Variants in FAM83B observed in about 807,000 individuals in gnomAD.
FAM83B encodes the protein protein FAM83B.
FAM83B carries 26 observed loss-of-function variants against 38.8 expected under a neutral mutation model. That is an observed-to-expected ratio of 0.67 (90% CI 0.49 to 0.93). The LOEUF (loss-of-function observed/expected upper bound fraction) is 0.93. FAM83B is among the 40% of genes least tolerant of loss of function. The pLI is 0.00. For missense variants in FAM83B, 1,237 were observed against 1,197.3 expected, an observed-to-expected ratio of 1.03 and a Z score of -0.49; for synonymous variants, 419 against 423.1, an observed-to-expected ratio of 0.99 and a Z score of 0.12.
intron 2 of FAM83B, among the ~76,000 whole-genome samples, chr6:54,880,376 T>G (rs2127577644): frequency 6.6e-6 from 1 of 151,552 alleles, no homozygotes; most frequent in Admixed American, 6.6e-5. Context: ...ACAGATAAAA[T>G]ACCTCCAAAA....
rs1196394459 is a variant in FAM83B at position 54,870,204 on chromosome 6, A to C, written c.-43A>C. The stretch of plus-strand genomic sequence containing the variant: ...AATACCAGATACTTCTCACCACTGC[A>C]TGAATGGACATTTGAAAGTGCCATA... On this transcript the variant is annotated 5_prime_UTR_variant, in exon 2 of 5. An upstream start codon of the reference 5' UTR is lost. Transcript: ENST00000306858. The C allele has an allele frequency of 1.4e-6, 2 of 1,480,946 alleles. No homozygotes were observed. The highest frequency in any genetic ancestry group is 3.5e-5 in the Admixed American group (2 of 57,408). 91.7% of individuals were successfully genotyped at this position (1,480,946 alleles called of 1,614,324 possible). A position where few individuals can be genotyped will look rare whatever the true frequency, so the allele number is the denominator to read the frequency against.
At chr6:54,921,376 C>A (rs2127587196) in intron 2 of FAM83B, among the ~76,000 whole-genome samples, 1 of 151,304 alleles carries the variant, frequency 6.6e-6, no homozygotes, top group South Asian at 2.1e-4. Context: ...GGGTCTGGGT[C>A]ACTTTGGGAA....
chr6:54,909,679 A>G (rs1013258549), intron 2 of FAM83B, among the ~76,000 whole-genome samples: 2 of 152,218 alleles, frequency 1.3e-5, no homozygotes, highest in Non-Finnish European at 2.9e-5. Flanking sequence ...ACCCTCAAGT[A>G]ACTTATTGCC....
At position 54,862,864 on chromosome 6, in the gene FAM83B, CAA is replaced by C. The variant is rs150788418; in HGVS notation, c.-60-7319_-60-7318del. Among the ~76,000 whole-genome samples, 4 of 148,254 alleles carry C rather than the reference CAA, an allele frequency of 2.7e-5. No homozygotes were observed. The East Asian group carries it at 6.1e-4, about 22-fold the overall frequency. On this transcript the variant is annotated intron_variant, in intron 1 of 4. Coordinates refer to ENST00000306858, the MANE Select transcript of FAM83B (RefSeq NM_001010872.3). ...GCGCCATTGCACTCCAGGCTGGGTGCAAAAACCCCCCCCCAAAAAAACCACGA... is the reference window on the plus strand; with the variant it reads ...GCGCCATTGCACTCCAGGCTGGGTGCAAACCCCCCCCCAAAAAAACCACGA...
At chr6:54,931,748 C>A (rs1773423377) in intron 4 of FAM83B, among the ~76,000 whole-genome samples, 1 of 151,796 alleles carries the variant, frequency 6.6e-6, no homozygotes, top group African/African-American at 2.4e-5. Flanking sequence ...TTTTTTTAAT[C>A]CATTCAGTCA....
intron 2 of FAM83B, among the ~76,000 whole-genome samples, chr6:54,875,181 A>ATTCCT (rs1771961530): frequency 6.6e-6 from 1 of 152,190 alleles, no homozygotes; most frequent in African/African-American, 2.4e-5. Context: ...TTCCTATCCA[A>ATTCCT]ATCTCTAATA....
At chr6:54,912,845 C>T (rs1024676398) in intron 2 of FAM83B, among the ~76,000 whole-genome samples, 1 of 151,596 alleles carries the variant, frequency 6.6e-6, no homozygotes, top group Non-Finnish European at 1.5e-5. Context: ...GTGAAAATAT[C>T]CAAGAGAAGA....
At chr6:54,938,105 G>A (rs1261916902) in intron 4 of FAM83B, among the ~76,000 whole-genome samples, 1 of 152,006 alleles carries the variant, frequency 6.6e-6, no homozygotes, top group African/African-American at 2.4e-5. Flanking sequence ...TCACTGATAA[G>A]TGAGAATATA....
At chr6:54,851,839 G>C (rs186842139) in intron 1 of FAM83B, among the ~76,000 whole-genome samples, 1 of 151,434 alleles carries the variant, frequency 6.6e-6, no homozygotes, top group Non-Finnish European at 1.5e-5. Flanking sequence ...AGTAGAGACG[G>C]GGTTTCACCG....
In FAM83B at chr6:54,926,463, G is replaced by T; in HGVS notation, c.537G>T (p.Leu179=). 6.2e-7 allele frequency: 1 copy of T among 1,610,724 alleles called. No individual in the cohort carries two copies. Among genetic ancestry groups the T allele is most frequent in the Non-Finnish European group, 8.5e-7 (1 of 1,177,818 alleles). Residue 179 remains leucine (L), a synonymous_variant, in exon 3 of 5, where the codon CTG becomes CTT. Transcript: ENST00000306858. ...CTCGAGGAGTATCTGTTTACATTCT[G>T]CTTGATGAGTCCAATTTTAATCATT... ...ASTRGVSVYI[L]LDESNFNHFL...
rs199932064 is a variant in FAM83B, at chr6:54,915,249, A to G, written c.445-11122A>G. Among the ~76,000 whole-genome samples the G allele has an allele frequency of 7.2e-5, 11 of 152,258 alleles. No homozygotes were observed. The East Asian group carries it at 1.9e-3, about 27-fold the overall frequency. ...GACTTAGTCTGATGGCTTTCTTTATACACAAAAATGAAATACTACTTTTGA... is the reference window on the plus strand; with the variant it reads ...GACTTAGTCTGATGGCTTTCTTTATGCACAAAAATGAAATACTACTTTTGA... On this transcript the variant is annotated intron_variant, in intron 2 of 4. Transcript: ENST00000306858.
intron 2 of FAM83B, among the ~76,000 whole-genome samples, chr6:54,894,611 G>A (rs945154592): frequency 5.3e-5 from 8 of 152,130 alleles, no homozygotes; most frequent in Non-Finnish European, 8.8e-5. Context: ...GAACTCCACA[G>A]GGGTTTGGCC....
At chr6:54,861,021 C>G (rs1054359697) in intron 1 of FAM83B, among the ~76,000 whole-genome samples, 11 of 152,192 alleles carry the variant, frequency 7.2e-5, no homozygotes, top group African/African-American at 2.7e-4. Flanking sequence ...ATCTGCTTGC[C>G]TTGGCCTACC....
At chr6:54,846,910 G>GGGGT (rs1554142388) in intron 1 of FAM83B, 84 bp downstream of exon 1, 2 of 151,632 alleles carry the variant, frequency 1.3e-5, no homozygotes, top group African/African-American at 4.8e-5. Flanking sequence ...TGGGGTACTG[G>GGGGT]GGGGGCCCGG....
At position 54,939,886 on chromosome 6, in the gene FAM83B, T is replaced by C. The variant is rs1044453783; in HGVS notation, c.915T>C (p.Thr305=). Reference sequence around the variant, plus strand: ...GAAAAGCCCTCTGGGAAAATGGCACTTACCAGCATTCGGTGTCTTCATTAG... The same window carrying C: ...GAAAAGCCCTCTGGGAAAATGGCACCTACCAGCATTCGGTGTCTTCATTAG... ...KHGKALWENG[T]YQHSVSSLAS... Residue 305 remains threonine (T), a synonymous_variant, in exon 5 of 5, where the codon ACT becomes ACC. Transcript: ENST00000306858. 2.5e-6 allele frequency: 4 copies of C among 1,614,048 alleles called. No homozygotes were observed. The highest frequency in any genetic ancestry group is 3.4e-6 in the Non-Finnish European group (4 of 1,179,984).
At position 54,939,765 on chromosome 6, in the gene FAM83B, T is replaced by A. The variant is rs1581934677; in HGVS notation, c.794T>A (p.Leu265His). 1 of 1,613,824 alleles carries A rather than the reference T, an allele frequency of 6.2e-7. No individual in the cohort carries two copies. Among genetic ancestry groups the A allele is most frequent in the East Asian group, 2.2e-5 (1 of 44,864 alleles). Residue 265 changes from leucine to histidine, a missense_variant, in exon 5 of 5, where the codon CTT becomes CAT. Physicochemically the swap from Leu to His is moderately conservative, Grantham distance 99. Transcript: ENST00000306858. ...ATGGTTCAGATAATTACAGGACAAC[T>A]TGTTGAGTCCTTTGATGAAGAATTT... ...LSMVQIITGQ[L>H]VESFDEEFRT...
chr6:54,859,122 G>A lies in FAM83B; in HGVS notation c.-60-11065G>A, dbSNP rs188391635. On this transcript the variant is annotated intron_variant, in intron 1 of 4. Coordinates refer to ENST00000306858, the MANE Select transcript of FAM83B (RefSeq NM_001010872.3). ...GTCACCCAGGCTGGAGTGCAATAGCGTGATCTCAGCTCACTGCAACCTCCG... is the reference window on the plus strand; with the variant it reads ...GTCACCCAGGCTGGAGTGCAATAGCATGATCTCAGCTCACTGCAACCTCCG... Among the ~76,000 whole-genome samples the A allele has an allele frequency of 3.6e-4, 54 of 151,078 alleles. No individual in the cohort carries two copies. In the East Asian group the frequency reaches 9.2e-3, roughly 26 times the overall value.
intron 4 of FAM83B, among the ~76,000 whole-genome samples, chr6:54,928,903 G>A (rs1307526130): frequency 6.6e-6 from 1 of 152,032 alleles, no homozygotes; most frequent in African/African-American, 2.4e-5. Context: ...CTATAGTTGA[G>A]CTACTTTTGA....
chr6:54,922,075 C>A (rs1275726818), intron 2 of FAM83B, among the ~76,000 whole-genome samples: 1 of 151,938 alleles, frequency 6.6e-6, no homozygotes, highest in Non-Finnish European at 1.5e-5. Flanking sequence ...GGATGCTGAT[C>A]CAGCGTATTA....
Sources: allele counts gnomAD v4.1 joint callset (sites outside exome capture counted in the v4.1 genomes callset), GRCh38; gene constraint gnomAD v4.1.1; transcripts MANE v1.5; gene names NCBI Gene and HGNC (gene_info 2026-07-23, HGNC 2026-07-21).